Variants in SCAF8 observed in about 807,000 individuals in gnomAD.
SCAF8 encodes SR-related and CTD-associated factor 8.
Under a neutral mutation model 140.5 loss-of-function variants are expected in SCAF8, and 23 were observed. The ratio of observed to expected loss-of-function variants is 0.16; its 90% CI spans 0.12 to 0.23. The LOEUF (loss-of-function observed/expected upper bound fraction) is 0.23. Among genes scored for constraint, SCAF8 ranks in the 10% least tolerant of loss-of-function variants. The probability of loss-of-function intolerance (pLI) is 1.00; values close to 1 mark genes in which losing one functional copy is unlikely to be tolerated. For synonymous variants in SCAF8, 575 were observed against 528.9 expected, an observed-to-expected ratio of 1.09 and a Z score of -1.20; for missense variants, 1,397 against 1,555.7, an observed-to-expected ratio of 0.90 and a Z score of 1.72.
intron 1 of SCAF8, among the ~76,000 whole-genome samples, chr6:154,749,219 G>A (rs1778781186): frequency 6.6e-6 from 1 of 152,150 alleles, no homozygotes; most frequent in African/African-American, 2.4e-5. Flanking sequence ...GGGATTACAG[G>A]CATGAGCCAC....
chr6:154,769,812 A>G (rs74722245), intron 1 of SCAF8, among the ~76,000 whole-genome samples: 235 of 152,318 alleles, frequency 1.5e-3, no homozygotes, highest in Non-Finnish European at 2.8e-3. Flanking sequence ...ACAAATATCT[A>G]TTCTCTGCCA....
At chr6:154,759,496 A>G (rs993157547) in intron 1 of SCAF8, among the ~76,000 whole-genome samples, 2 of 152,182 alleles carry the variant, frequency 1.3e-5, no homozygotes, top group African/African-American at 4.8e-5. Context: ...TATCCTGCTT[A>G]ATAATACAAA....
At chr6:154,784,146 TATATATATA>T (rs879272450) in intron 3 of SCAF8, among the ~76,000 whole-genome samples, 5,151 of 139,372 alleles carry the variant, frequency 0.037, 219 homozygotes, top group Middle Eastern at 0.061. Context: ...TATATATATA[TATATATATA>T]TATTTATTTA....
chr6:154,832,941 G>T lies in SCAF8; in HGVS notation c.3362G>T (p.Gly1121Val). 2 of 1,614,136 alleles carry T rather than the reference G, an allele frequency of 1.2e-6. No homozygotes were observed. Among genetic ancestry groups the T allele is most frequent in the Non-Finnish European group, 1.7e-6 (2 of 1,180,002 alleles). Residue 1121 changes from glycine to valine, a missense_variant, in exon 20 of 20, where the codon GGT (glycine) becomes GTT (valine). This residue lies in a region of SCAF8 where 930 missense variants were observed against 874.6 expected (regional missense o/e 1.06). Coordinates refer to ENST00000367178, the MANE Select transcript of SCAF8 (RefSeq NM_014892.5). ...GGPKGLHEERGRFRSGNYRFD... is the reference protein window; with the variant it reads ...GGPKGLHEERVRFRSGNYRFD... Reference sequence around the variant, plus strand: ...CCAAAAGGCTTACATGAAGAAAGAGGTAGATTTCGGTCTGGAAACTATCGA... The same window carrying T: ...CCAAAAGGCTTACATGAAGAAAGAGTTAGATTTCGGTCTGGAAACTATCGA...
At chr6:154,773,327 C>T (rs1372982233) in intron 1 of SCAF8, among the ~76,000 whole-genome samples, 1 of 152,172 alleles carries the variant, frequency 6.6e-6, no homozygotes, top group Non-Finnish European at 1.5e-5. Context: ...TTTCACCTGA[C>T]TTCTCTAGTT....
In SCAF8 at chr6:154,808,079, C is replaced by G; in HGVS notation, c.991C>G (p.Gln331Glu). Residue 331 changes from glutamine to glutamate, a missense_variant, in exon 10 of 20, where the codon CAG becomes GAG. Coordinates refer to ENST00000367178, the MANE Select transcript of SCAF8 (RefSeq NM_014892.5). Reference sequence around the variant, plus strand: ...TATATGTTCTCAATAGGCCACTCCTCAGGATAGTCAGGAAGGAACCTTTGG... The same window carrying G: ...TATATGTTCTCAATAGGCCACTCCTGAGGATAGTCAGGAAGGAACCTTTGG... ...EQQQPQKATPQDSQEGTFGSE... is the reference protein window; with the variant it reads ...EQQQPQKATPEDSQEGTFGSE... 6 of 1,613,572 alleles carry G rather than the reference C, an allele frequency of 3.7e-6. No individual in the cohort carries two copies. Among genetic ancestry groups the G allele is most frequent in the Admixed American group, 1.7e-5 (1 of 59,932 alleles).
chr6:154,827,841 G>T (rs895894526), intron 18 of SCAF8, among the ~76,000 whole-genome samples: 4 of 145,742 alleles, frequency 2.7e-5, no homozygotes, highest in East Asian at 2.0e-4. Context: ...GGGCGGGGGG[G>T]GGGGCGGTGT....
At chr6:154,782,400 C>G (rs1303318044) in intron 3 of SCAF8, among the ~76,000 whole-genome samples, 1 of 151,886 alleles carries the variant, frequency 6.6e-6, no homozygotes, top group African/African-American at 2.4e-5. Flanking sequence ...GCTTGGGCAA[C>G]AAAGCAAGAG....
At chr6:154,735,582 C>G (rs1411882514) in intron 1 of SCAF8, among the ~76,000 whole-genome samples, 1 of 146,594 alleles carries the variant, frequency 6.8e-6, no homozygotes, top group African/African-American at 2.5e-5. Flanking sequence ...GTCACCATCT[C>G]AGCTCACTGT....
At position 154,805,317 on chromosome 6, in the gene SCAF8, A is replaced by G. The variant is rs562993711; in HGVS notation, c.864-52A>G. 2.0e-5 allele frequency: 20 copies of G among 1,019,138 alleles called. No individual in the cohort carries two copies. The East Asian group carries it at 2.9e-4, about 15-fold the overall frequency. 63.1% of individuals were successfully genotyped at this position (1,019,138 alleles called of 1,614,324 possible). ...TTTCTTTGAATACTCAGTTATTTTC[A>G]TAGTATCTTTAGTGGGTTTTAAAAT... On this transcript the variant is annotated intron_variant, in intron 8 of 19. Transcript: ENST00000367178.
chr6:154,813,929 C>G (rs1778171312), intron 12 of SCAF8, among the ~76,000 whole-genome samples: 1 of 152,198 alleles, frequency 6.6e-6, no homozygotes, highest in Non-Finnish European at 1.5e-5. Flanking sequence ...AGATTCTCCC[C>G]TAGAGCCCTC....
At chr6:154,810,675 G>A (rs1293662640) in intron 12 of SCAF8, among the ~76,000 whole-genome samples, 1 of 152,176 alleles carries the variant, frequency 6.6e-6, no homozygotes, top group Non-Finnish European at 1.5e-5. Flanking sequence ...TTACATGTTA[G>A]TCAATTACGT....
intron 1 of SCAF8, among the ~76,000 whole-genome samples, chr6:154,763,862 T>C (rs1776476721): frequency 6.6e-6 from 1 of 152,122 alleles, no homozygotes; most frequent in Non-Finnish European, 1.5e-5. Context: ...TACAAATTGT[T>C]TATGGCTGTT....
At chr6:154,780,117 G>T (rs1172989952) in intron 3 of SCAF8, among the ~76,000 whole-genome samples, 1 of 152,000 alleles carries the variant, frequency 6.6e-6, no homozygotes, top group Non-Finnish European at 1.5e-5. Flanking sequence ...TCACCACTAG[G>T]ATGCCTTGTG....
chr6:154,794,920 A>G, intron 5 of SCAF8, 89 bp from the exon 6 acceptor site: 1 of 1,241,212 alleles, frequency 8.1e-7, no homozygotes, highest in Non-Finnish European at 1.1e-6. Context: ...TGTGTTTTAT[A>G]AAAGTAATAA....
rs754406142 is a variant in SCAF8 at position 154,805,383 on chromosome 6, A to G, written c.878A>G (p.Glu293Gly). ...IPASQLSHVSESVNNSIFHQI... is the reference protein window; with the variant it reads ...IPASQLSHVSGSVNNSIFHQI... ...TTTCCTTTTAGTTCTCACGTTTCAG[A>G]ATCTGTGAACAATTCCATTTTTCAT... The change falls in exon 9 of 20, where the codon GAA (glutamate) becomes GGA (glycine). Residue 293 changes from glutamate (E) to glycine (G), a missense_variant. By Grantham distance (98) the Glu-to-Gly change is moderately conservative. This residue lies in a region of SCAF8 where 339 missense variants were observed against 407.5 expected (regional missense o/e 0.83). Transcript: ENST00000367178. 1.5e-5 allele frequency: 24 copies of G among 1,606,754 alleles called. No individual in the cohort carries two copies. The South Asian group carries it at 2.6e-4, about 18-fold the overall frequency.
At chr6:154,735,988 C>T (rs1778407160) in intron 1 of SCAF8, among the ~76,000 whole-genome samples, 1 of 151,728 alleles carries the variant, frequency 6.6e-6, no homozygotes, top group South Asian at 2.1e-4. Context: ...TGTCACCATG[C>T]CCGTCATTTT....
In SCAF8 at chr6:154,737,670, C is replaced by G. The variant is rs189082685; in HGVS notation, c.30+3740C>G. 3.0e-4 allele frequency among the ~76,000 whole-genome samples: 45 copies of G among 152,184 alleles called. 1 individual carries two copies. Among genetic ancestry groups the G allele is most frequent in the Admixed American group, 6.5e-5 (1 of 15,298 alleles). Reference sequence around the variant, plus strand: ...CTGCAGTGAGCTGCACCACTACACTCTGGCCCGGGCAACAGTGCGACCCTG... The same window carrying G: ...CTGCAGTGAGCTGCACCACTACACTGTGGCCCGGGCAACAGTGCGACCCTG... On this transcript the variant is annotated intron_variant, in intron 1 of 19. Coordinates refer to ENST00000367178, the MANE Select transcript of SCAF8 (RefSeq NM_014892.5).
At chr6:154,755,998 C>T (rs1203278100) in intron 1 of SCAF8, among the ~76,000 whole-genome samples, 1 of 152,148 alleles carries the variant, frequency 6.6e-6, no homozygotes, top group East Asian at 1.9e-4. Context: ...ATGCTCTTTT[C>T]CCAGTCTATT....
Sources: gnomAD v4.1 joint callset for allele counts (sites outside exome capture counted in the v4.1 genomes callset) on GRCh38, gnomAD v4.1.1 for gene constraint, gnomAD v4.1.1 regional missense constraint, MANE v1.5 for transcripts, NCBI Gene and HGNC (gene_info 2026-07-23, HGNC 2026-07-21) for gene names.